The following BNC2 variants were observed in gnomAD, a reference collection of about 807,000 sequenced individuals.
The protein encoded by BNC2 is basonuclin zinc finger protein 2, also known as zinc finger protein basonuclin-2.
BNC2 carries 20 observed loss-of-function variants against 76.3 expected under a neutral mutation model. The observed-to-expected ratio is 0.26, with a 90% CI of 0.18 to 0.38. The LOEUF is 0.38. Ranked by LOEUF, BNC2 falls within the 10% of genes least tolerant of loss-of-function variation. BNC2 has a pLI of 1.00. For missense variants in BNC2, 1,382 were observed against 1,399.8 expected (o/e 0.99, Z 0.20); for synonymous variants, 582 against 514.8 (o/e 1.13, Z -1.77).
chr9:16,513,647 A>C (rs551837603), intron 5 of BNC2, among the ~76,000 whole-genome samples: 83 of 152,270 alleles, frequency 5.5e-4, no homozygotes, highest in African/African-American at 2.0e-3. Flanking sequence ...GTACAACGAA[A>C]CACAGAGGGG....
At chr9:16,608,342 G>GT in intron 3 of BNC2, among the ~76,000 whole-genome samples, 1 of 151,912 alleles carries the variant, frequency 6.6e-6, no homozygotes, top group Non-Finnish European at 1.5e-5. Context: ...AAATAAAAAC[G>GT]TTTCTTCCCC....
At chr9:16,495,837 G>C (rs1018711094) in intron 5 of BNC2, among the ~76,000 whole-genome samples, 6 of 152,092 alleles carry the variant, frequency 3.9e-5, no homozygotes, top group African/African-American at 1.4e-4. Context: ...GAGACTCTTA[G>C]GAGTGTTACA....
chr9:16,651,715 G>A (rs190286509), intron 3 of BNC2, among the ~76,000 whole-genome samples: 3 of 152,218 alleles, frequency 2.0e-5, no homozygotes, highest in East Asian at 3.9e-4. Flanking sequence ...CCTTGGGTGC[G>A]TCTTCAAAAG....
chr9:16,612,816 G>A (rs1292518134), intron 3 of BNC2, among the ~76,000 whole-genome samples: 1 of 152,172 alleles, frequency 6.6e-6, no homozygotes, highest in Non-Finnish European at 1.5e-5. Flanking sequence ...TGGTTTGGAA[G>A]ATGGATAGGC....
chr9:16,568,839 T>A (rs1287183875), intron 4 of BNC2, among the ~76,000 whole-genome samples: 2 of 152,254 alleles, frequency 1.3e-5, no homozygotes, highest in African/African-American at 4.8e-5. Flanking sequence ...TGAAGTAATA[T>A]TTAGATCTGC....
At chr9:16,812,593 G>A (rs115108885) in intron 1 of BNC2, among the ~76,000 whole-genome samples, 3,199 of 152,146 alleles carry the variant, frequency 0.021, 107 homozygotes, top group African/African-American at 0.072. Flanking sequence ...TTTTTGGAGT[G>A]TTTCATCTTA....
chr9:16,757,396 G>A (rs1396809572), intron 1 of BNC2, among the ~76,000 whole-genome samples: 3 of 152,130 alleles, frequency 2.0e-5, no homozygotes, highest in Non-Finnish European at 4.4e-5. Context: ...TACCATCAGT[G>A]TCCAGCTTAT....
chr9:16,752,762 G>GT (rs1825259023), intron 1 of BNC2, among the ~76,000 whole-genome samples: 1 of 152,106 alleles, frequency 6.6e-6, no homozygotes, highest in South Asian at 2.1e-4. Context: ...ATAACTTGCC[G>GT]TATTTGTGCA....
chr9:16,792,633 G>C (rs565147042), intron 1 of BNC2, among the ~76,000 whole-genome samples: 102 of 152,332 alleles, frequency 6.7e-4, no homozygotes, highest in African/African-American at 2.4e-3. Flanking sequence ...ATTCTAGTGA[G>C]TAGAAGCATA....
chr9:16,564,390 T>C (rs1228191949), intron 4 of BNC2, among the ~76,000 whole-genome samples: 2 of 152,154 alleles, frequency 1.3e-5, no homozygotes, highest in Admixed American at 6.5e-5. Context: ...GAAAAACAGA[T>C]GCTTGTAGTA....
intron 4 of BNC2, among the ~76,000 whole-genome samples, chr9:16,575,663 TAAAGG>T (rs1819463209): frequency 2.0e-5 from 3 of 152,028 alleles, no homozygotes; most frequent in Admixed American, 2.0e-4. Context: ...GATCAGCAAG[TAAAGG>T]AGAGAGGCAG....
intron 1 of BNC2, among the ~76,000 whole-genome samples, chr9:16,847,613 T>G (rs1819020890): frequency 6.6e-6 from 1 of 152,188 alleles, no homozygotes; most frequent in South Asian, 2.1e-4. Flanking sequence ...TAGTATAACT[T>G]AATTTTGACA....
intron 5 of BNC2, among the ~76,000 whole-genome samples, chr9:16,510,777 G>A (rs138604389): frequency 2.0e-4 from 31 of 152,282 alleles, no homozygotes; most frequent in East Asian, 1.2e-3. Flanking sequence ...GAAATTCTCA[G>A]GTGATTCACT....
chr9:16,617,527 GA>G (rs56667008), intron 3 of BNC2, among the ~76,000 whole-genome samples: 115,362 of 137,898 alleles, frequency 0.84, 49,067 homozygotes, highest in East Asian at 0.95. Context: ...ACAGATGGAG[GA>G]AAAAAAAAAA....
At chr9:16,558,650 G>T (rs28428651) in intron 4 of BNC2, among the ~76,000 whole-genome samples, 3 of 152,134 alleles carry the variant, frequency 2.0e-5, no homozygotes, top group South Asian at 4.1e-4. Context: ...TAATTTCAAC[G>T]TCAGGTGCGG....
chr9:16,462,121 G>A (rs1420088775), intron 5 of BNC2, among the ~76,000 whole-genome samples: 1 of 152,072 alleles, frequency 6.6e-6, no homozygotes, highest in Non-Finnish European at 1.5e-5. Flanking sequence ...TTTTTCCTCA[G>A]CCACTCTCTC....
chr9:16,860,306 C>G (rs1819365711), intron 1 of BNC2, among the ~76,000 whole-genome samples: 1 of 152,062 alleles, frequency 6.6e-6, no homozygotes, highest in Admixed American at 6.6e-5. Context: ...CTACAGTAGT[C>G]AAGACAGTGT....
chr9:16,714,096 A>T (rs1285929284), intron 3 of BNC2, among the ~76,000 whole-genome samples: 1 of 152,160 alleles, frequency 6.6e-6, no homozygotes, highest in Admixed American at 6.5e-5. Context: ...AACCACCAAA[A>T]TGATACTAAT....
intron 5 of BNC2, among the ~76,000 whole-genome samples, 173 bp downstream of exon 5, chr9:16,552,357 G>A (rs1055405401): frequency 6.6e-6 from 1 of 152,186 alleles, no homozygotes; most frequent in Non-Finnish European, 1.5e-5. Context: ...CCTGAGGCCC[G>A]ATGGTGGCCT....
Sources: gnomAD v4.1 joint callset for allele counts (sites outside exome capture counted in the v4.1 genomes callset) on GRCh38, gnomAD v4.1.1 for gene constraint, MANE v1.5 for transcripts, NCBI Gene and HGNC (gene_info 2026-07-23, HGNC 2026-07-21) for gene names.